The following TSHZ2 variants were observed in gnomAD, a reference collection of about 807,000 sequenced individuals.
TSHZ2 encodes the protein teashirt zinc finger homeobox 2, also known as teashirt homolog 2.
A neutral mutation model predicts 74.4 loss-of-function variants in TSHZ2; 21 were observed. The observed-to-expected ratio is 0.28, with a 90% confidence interval of 0.20 to 0.41. The LOEUF is 0.41. TSHZ2 is among the 10% of genes least tolerant of loss of function. TSHZ2 has a pLI of 1.00. For synonymous variants in TSHZ2, 540 were observed against 515.3 expected, an observed-to-expected ratio of 1.05 and a Z score of -0.65; for missense variants, 1,244 against 1,293.5, an observed-to-expected ratio of 0.96 and a Z score of 0.59.
At chr20:53,126,568 T>C (rs1986951608) in intron 1 of TSHZ2, among the ~76,000 whole-genome samples, 1 of 152,306 alleles carries the variant, frequency 6.6e-6, no homozygotes, top group South Asian at 2.1e-4. Flanking sequence ...TATAGTATTA[T>C]TGAGTGGGGC....
chr20:53,087,140 C>A (rs1035058957), intron 1 of TSHZ2, among the ~76,000 whole-genome samples: 2 of 152,134 alleles, frequency 1.3e-5, no homozygotes, highest in African/African-American at 4.8e-5. Context: ...ACCTTTTGCC[C>A]TTTCTTGAGC....
chr20:53,190,205 TTCTC>T (rs1988705707), intron 1 of TSHZ2, among the ~76,000 whole-genome samples: 1 of 143,404 alleles, frequency 7.0e-6, no homozygotes, highest in South Asian at 2.3e-4. Context: ...AGGTCTCTCT[TTCTC>T]TTTCTTTCTC....
intron 1 of TSHZ2, among the ~76,000 whole-genome samples, chr20:53,140,288 C>A (rs1390320181): frequency 6.6e-6 from 1 of 151,940 alleles, no homozygotes; most frequent in African/African-American, 2.4e-5. Context: ...CGCCTGTAAT[C>A]CCAGCACTTT....
At chr20:53,130,866 G>C (rs566193965) in intron 1 of TSHZ2, among the ~76,000 whole-genome samples, 1 of 152,294 alleles carries the variant, frequency 6.6e-6, no homozygotes, top group East Asian at 1.9e-4. Flanking sequence ...TCCCAGCTCA[G>C]CAATTTCTAA....
At chr20:53,036,469 A>G (rs1356084831) in intron 1 of TSHZ2, among the ~76,000 whole-genome samples, 1 of 149,166 alleles carries the variant, frequency 6.7e-6, no homozygotes, top group East Asian at 1.9e-4. Context: ...TGTATTAGAA[A>G]GAAATAGAAA....
intron 2 of TSHZ2, among the ~76,000 whole-genome samples, chr20:53,303,791 G>A (rs6097347): frequency 1.3e-5 from 2 of 152,162 alleles, no homozygotes; most frequent in Non-Finnish European, 2.9e-5. Flanking sequence ...CTGTCTTATA[G>A]GTTCTTGAGT....
intron 2 of TSHZ2, among the ~76,000 whole-genome samples, chr20:53,447,335 C>T (rs1035484301): frequency 1.3e-5 from 2 of 152,210 alleles, no homozygotes; most frequent in Non-Finnish European, 2.9e-5. Flanking sequence ...TAATAAATCC[C>T]ATGGAAATGT....
chr20:53,005,270 A>T (rs749565323), intron 1 of TSHZ2, among the ~76,000 whole-genome samples: 2 of 152,144 alleles, frequency 1.3e-5, no homozygotes, highest in African/African-American at 4.8e-5. Flanking sequence ...CCAAGATCAC[A>T]CCGTGCACTC....
intron 1 of TSHZ2, among the ~76,000 whole-genome samples, chr20:53,252,223 C>T (rs1003496225): frequency 6.6e-6 from 1 of 152,182 alleles, no homozygotes; most frequent in South Asian, 2.1e-4. Flanking sequence ...TCTAATTCTC[C>T]GTGCCTGCCT....
intron 1 of TSHZ2, among the ~76,000 whole-genome samples, chr20:53,226,317 T>A (rs1989686341): frequency 6.6e-6 from 1 of 152,038 alleles, no homozygotes; most frequent in African/African-American, 2.4e-5. Context: ...CAAAAATATT[T>A]CCCCTGCACA....
chr20:53,289,511 C>G (rs1012281533), intron 2 of TSHZ2, among the ~76,000 whole-genome samples: 1 of 152,096 alleles, frequency 6.6e-6, no homozygotes, highest in Non-Finnish European at 1.5e-5. Flanking sequence ...GCCATACTTG[C>G]AGGAATAAGG....
chr20:53,284,965 C>G (rs1991137432), intron 2 of TSHZ2, among the ~76,000 whole-genome samples: 1 of 152,134 alleles, frequency 6.6e-6, no homozygotes, highest in Admixed American at 6.5e-5. Context: ...CGTAGACATC[C>G]CGGGTCTGTC....
At chr20:53,065,423 G>A (rs1399388662) in intron 1 of TSHZ2, among the ~76,000 whole-genome samples, 3 of 152,138 alleles carry the variant, frequency 2.0e-5, no homozygotes, top group Non-Finnish European at 4.4e-5. Context: ...AAAGACAAGG[G>A]GTTGGAAAAG....
At chr20:53,052,626 T>C (rs1482751704) in intron 1 of TSHZ2, among the ~76,000 whole-genome samples, 1 of 152,230 alleles carries the variant, frequency 6.6e-6, no homozygotes, top group African/African-American at 2.4e-5. Context: ...TATCAGAATT[T>C]TTTTCTTCTT....
At chr20:53,143,273 G>C (rs114212039) in intron 1 of TSHZ2, among the ~76,000 whole-genome samples, 2 of 152,156 alleles carry the variant, frequency 1.3e-5, no homozygotes, top group East Asian at 3.8e-4. Flanking sequence ...GATATTCACA[G>C]TTTCCTATGT....
chr20:53,142,318 G>A (rs1204550052), intron 1 of TSHZ2, among the ~76,000 whole-genome samples: 1 of 152,182 alleles, frequency 6.6e-6, no homozygotes, highest in East Asian at 1.9e-4. Context: ...AGCTCCACAG[G>A]GCTTCCGGTT....
intron 2 of TSHZ2, among the ~76,000 whole-genome samples, chr20:53,431,654 T>C (rs1313040734): frequency 2.0e-5 from 3 of 152,128 alleles, no homozygotes; most frequent in African/African-American, 7.2e-5. Context: ...TTCCCATTTA[T>C]AAAAAGAGAG....
At chr20:53,368,323 G>T (rs1371905587) in intron 2 of TSHZ2, among the ~76,000 whole-genome samples, 1 of 151,686 alleles carries the variant, frequency 6.6e-6, no homozygotes, top group East Asian at 1.9e-4. Flanking sequence ...GGTTTGTTTG[G>T]TTTTGATACG....
chr20:53,404,934 C>T (rs565015954), intron 2 of TSHZ2, among the ~76,000 whole-genome samples: 34 of 152,286 alleles, frequency 2.2e-4, no homozygotes, highest in African/African-American at 5.1e-4. Flanking sequence ...TGTTCTTCCA[C>T]GCACTCTTCG....
Sources: gnomAD v4.1 joint callset for allele counts (sites outside exome capture counted in the v4.1 genomes callset) on GRCh38, gnomAD v4.1.1 for gene constraint, MANE v1.5 for transcripts, NCBI Gene and HGNC (gene_info 2026-07-23, HGNC 2026-07-21) for gene names.